Variants in BRWD3 observed in about 807,000 individuals in gnomAD.
The protein encoded by BRWD3 is bromodomain and WD repeat domain containing 3, also known as bromodomain and WD repeat-containing protein 3.
In BRWD3, 10 loss-of-function variants were observed where a neutral mutation model predicts 149.7. That is an observed-to-expected ratio of 0.07 (90% CI 0.04 to 0.11). The LOEUF (loss-of-function observed/expected upper bound fraction) is 0.11, where lower values mean the gene tolerates loss of function less well. Among genes scored for constraint, BRWD3 ranks in the 10% least tolerant of loss-of-function variants. The pLI, the probability that BRWD3 is intolerant of heterozygous loss-of-function variation, is 1.00. For synonymous variants in BRWD3, 504 were observed against 456.7 expected, an observed-to-expected ratio of 1.10 and a Z score of -1.32; for missense variants, 940 against 1,373.2, an observed-to-expected ratio of 0.68 and a Z score of 4.99.
intron 28 of BRWD3, 55 bp downstream of exon 28, chrX:80,692,885 G>T: frequency 1.0e-6 from 1 of 971,468 alleles, no homozygotes; most frequent in Non-Finnish European, 1.5e-6. Context: ...GCTATTAAAA[G>T]TCCACATACT....
chrX:80,741,812 C>T (rs1443959583), intron 8 of BRWD3, among the ~76,000 whole-genome samples: 2 of 111,296 alleles, frequency 1.8e-5, no homozygotes, highest in African/African-American at 6.6e-5. Flanking sequence ...GGATATTAGC[C>T]CTTTGTCAGA....
At chrX:80,785,221 T>C (rs895064673) in intron 6 of BRWD3, among the ~76,000 whole-genome samples, 9 of 112,477 alleles carry the variant, frequency 8.0e-5, no homozygotes, top group Non-Finnish European at 5.6e-5. Flanking sequence ...ATTAACACTA[T>C]TTTGAATTTA....
intron 6 of BRWD3, 68 bp downstream of exon 6, chrX:80,791,786 G>A (rs1241840321): frequency 1.2e-6 from 1 of 813,305 alleles, no homozygotes; most frequent in Non-Finnish European, 1.8e-6. Context: ...ACCTATTTTT[G>A]TCTTCCTAAT....
intron 2 of BRWD3, 101 bp downstream of exon 2, chrX:80,809,145 C>T (rs2074383191): frequency 8.8e-7 from 1 of 1,139,874 alleles, no homozygotes; most frequent in African/African-American, 1.8e-5. Flanking sequence ...CTAGTCAAGG[C>T]CGGCCTTTCC....
rs1415825746 is a variant in BRWD3, at chrX:80,673,457, T to C, written c.*3152A>G. On this transcript the variant is annotated 3_prime_UTR_variant, in exon 41 of 41. Transcript: ENST00000373275. ...CTGTCCTCCATACAAAATGTTCTCT[T>C]TTTTTGAATGTCTGAGATAAGGTGT... is the stretch of plus-strand genomic sequence containing the variant. The C allele has an allele frequency of 9.0e-6, 1 of 111,127 alleles. No homozygotes were observed. The highest frequency in any genetic ancestry group is 1.9e-5 in the Non-Finnish European group (1 of 52,977). 9.2% of individuals were successfully genotyped at this position (111,127 alleles called of 1,213,427 possible).
At chrX:80,729,418 A>G (rs944157073) in intron 13 of BRWD3, among the ~76,000 whole-genome samples, 1 of 111,503 alleles carries the variant, frequency 9.0e-6, no homozygotes, top group African/African-American at 3.2e-5. Flanking sequence ...CATACCCTAA[A>G]GAAGCTGTAG....
intron 6 of BRWD3, among the ~76,000 whole-genome samples, chrX:80,770,520 A>T (rs924319236): frequency 3.6e-5 from 4 of 111,631 alleles, no homozygotes; most frequent in African/African-American, 9.8e-5. Flanking sequence ...ATCTCAATAG[A>T]TGCAGAAAAG....
intron 6 of BRWD3, among the ~76,000 whole-genome samples, chrX:80,772,053 A>G (rs1314714211): frequency 8.9e-6 from 1 of 111,887 alleles, no homozygotes; most frequent in African/African-American, 3.3e-5. Context: ...TCTGGAAGAC[A>G]GTGTGGCGAT....
At chrX:80,749,081 T>C (rs2073631201) in intron 6 of BRWD3, among the ~76,000 whole-genome samples, 1 of 112,348 alleles carries the variant, frequency 8.9e-6, no homozygotes, top group Admixed American at 9.4e-5. Flanking sequence ...TATTTCAATC[T>C]TCTTAAATTT....
intron 36 of BRWD3, 26 bp from the exon 37 acceptor site, chrX:80,684,188 T>C: frequency 8.6e-7 from 1 of 1,160,065 alleles, no homozygotes; most frequent in East Asian, 3.0e-5. Context: ...TGTTATTAAA[T>C]ACTGTATAGC....
rs777071215 is a variant in BRWD3 at position 80,745,553 on chromosome X, T to C, written c.591+16A>G. 17 of 1,193,398 alleles carry C rather than the reference T, an allele frequency of 1.4e-5. No individual in the cohort carries two copies. Among genetic ancestry groups the C allele is most frequent in the Non-Finnish European group, 1.9e-5 (17 of 881,802 alleles). Reference sequence around the variant, plus strand: ...TAATTCTATATATGTTACCATATTATAAATTTTACACTCACTGTAAAAATT... The same window carrying C: ...TAATTCTATATATGTTACCATATTACAAATTTTACACTCACTGTAAAAATT... On this transcript the variant is annotated intron_variant, in intron 7 of 40. Coordinates refer to ENST00000373275, the MANE Select transcript of BRWD3 (RefSeq NM_153252.5).
At chrX:80,733,217 A>C in intron 12 of BRWD3, 1 of 317,422 alleles carries the variant, frequency 3.2e-6, no homozygotes, top group Non-Finnish European at 5.5e-6. Flanking sequence ...TGCTAACAGA[A>C]ATAGAGCAAA....
intron 6 of BRWD3, among the ~76,000 whole-genome samples, chrX:80,777,061 T>C (rs1389270325): frequency 2.8e-5 from 3 of 106,033 alleles, no homozygotes; most frequent in Non-Finnish European, 5.9e-5. Flanking sequence ...CCTTAGTTGA[T>C]TATGCTTAAA....
chrX:80,740,374 T>C (rs766473559), intron 8 of BRWD3, among the ~76,000 whole-genome samples: 4 of 112,272 alleles, frequency 3.6e-5, no homozygotes, highest in African/African-American at 1.3e-4. Flanking sequence ...AAGTTATCCA[T>C]GACTTTCACT....
intron 6 of BRWD3, among the ~76,000 whole-genome samples, chrX:80,764,380 A>G (rs1405684741): frequency 9.0e-6 from 1 of 111,336 alleles, no homozygotes; most frequent in East Asian, 2.8e-4. Context: ...ACCTTGGCTC[A>G]CTGCAAGCTC....
chrX:80,688,851 TA>T (rs1422024045), intron 33 of BRWD3, among the ~76,000 whole-genome samples: 1 of 110,734 alleles, frequency 9.0e-6, no homozygotes, highest in African/African-American at 3.3e-5. Context: ...TAAGAAAATA[TA>T]AAAAAAATTA....
At position 80,688,386 on chromosome X, in the gene BRWD3, T is replaced by C. The variant is rs181597387; in HGVS notation, c.3808-261A>G. On this transcript the variant is annotated intron_variant, in intron 33 of 40. Transcript: ENST00000373275. ...GGAAAGGAGGGGAACAGTGTAGTGG[T>C]TGGTATTTGCTAAAATTGTATCTAA... Among the ~76,000 whole-genome samples, 11 of 111,551 alleles carry C rather than the reference T, an allele frequency of 9.9e-5. No homozygotes were observed. The East Asian group carries it at 1.1e-3, about 11-fold the overall frequency.
intron 6 of BRWD3, among the ~76,000 whole-genome samples, chrX:80,766,929 G>GTCT (rs765886122): frequency 1.8e-5 from 2 of 112,124 alleles, no homozygotes; most frequent in Non-Finnish European, 3.8e-5. Flanking sequence ...TTTCCCAACG[G>GTCT]TCTTAGCAAA....
Position 80,809,588 on chromosome X carries a change from ACTC to A in BRWD3, c.-120_-118del. The A allele has an allele frequency of 4.3e-6, 2 of 468,725 alleles. No individual in the cohort carries two copies. Among genetic ancestry groups the A allele is most frequent in the Non-Finnish European group, 7.4e-6 (2 of 268,751 alleles). The allele number at this position is 468,725 out of a possible 1,213,427, so 38.6% of individuals were successfully genotyped here. Reference sequence around the variant, plus strand: ...CCGGGAGTCCCGCCGCTTCCGCCGCACTCCTCGTCCTAGTTTCGCTCTCTCTCG... The same window carrying A: ...CCGGGAGTCCCGCCGCTTCCGCCGCACTCGTCCTAGTTTCGCTCTCTCTCG... On this transcript the variant is annotated 5_prime_UTR_variant, in exon 1 of 41. Coordinates refer to ENST00000373275, the MANE Select transcript of BRWD3 (RefSeq NM_153252.5).
Sources: allele counts gnomAD v4.1 joint callset (sites outside exome capture counted in the v4.1 genomes callset), GRCh38; gene constraint gnomAD v4.1.1; transcripts MANE v1.5; gene names NCBI Gene and HGNC (gene_info 2026-07-23, HGNC 2026-07-21).